Variants in SCAF4 observed in about 807,000 individuals in gnomAD.
SCAF4 encodes SR-related and CTD-associated factor 4.
SCAF4 carries 25 observed loss-of-function variants against 129.8 expected under a neutral mutation model. That is an observed-to-expected ratio of 0.19 (90% CI 0.14 to 0.27). The LOEUF (loss-of-function observed/expected upper bound fraction) is 0.27. Among genes scored for constraint, SCAF4 ranks in the 10% least tolerant of loss-of-function variants. The pLI is 1.00. For synonymous variants in SCAF4, 551 were observed against 497.7 expected, an observed-to-expected ratio of 1.11 and a Z score of -1.43; for missense variants, 1,246 against 1,457.1, an observed-to-expected ratio of 0.86 and a Z score of 2.36.
intron 3 of SCAF4, among the ~76,000 whole-genome samples, chr21:31,704,890 T>C (rs937420291): frequency 2.6e-5 from 4 of 152,200 alleles, no homozygotes; most frequent in Admixed American, 6.5e-5. Context: ...ATTAGAGACA[T>C]TTTTATAAAC....
chr21:31,707,480 T>C (rs756674037), intron 1 of SCAF4, among the ~76,000 whole-genome samples: 20 of 152,076 alleles, frequency 1.3e-4, no homozygotes, highest in East Asian at 1.9e-4. Context: ...AACCAAAACA[T>C]AGAGTCCATA....
At position 31,690,966 on chromosome 21, in the gene SCAF4, T is replaced by C. The variant is rs1248897061; in HGVS notation, c.1729-13A>G. 6.3e-7 allele frequency: 1 copy of C among 1,594,700 alleles called. No individual in the cohort carries two copies. Among genetic ancestry groups the C allele is most frequent in the Admixed American group, 1.8e-5 (1 of 56,340 alleles). Reference sequence around the variant, plus strand: ...AGGCCCAGGCAATCTATTTCACCATTAGTGAAAATATAAAAAGAAAACAAA... The same window carrying C: ...AGGCCCAGGCAATCTATTTCACCATCAGTGAAAATATAAAAAGAAAACAAA... On this transcript the variant is annotated splice_polypyrimidine_tract_variant and intron_variant, in intron 14 of 19. Transcript: ENST00000286835.
chr21:31,706,488 G>A (rs2050666330), intron 1 of SCAF4, 131 bp from the exon 2 acceptor site: 2 of 633,054 alleles, frequency 3.2e-6, no homozygotes, highest in South Asian at 4.0e-5. Context: ...GGTCTTAGCA[G>A]CTAGGGCAGC....
chr21:31,675,139 A>G (rs922339339), intron 19 of SCAF4, among the ~76,000 whole-genome samples: 2 of 152,230 alleles, frequency 1.3e-5, no homozygotes, highest in African/African-American at 4.8e-5. Flanking sequence ...CCACAATAAA[A>G]TGACTTGATG....
intron 1 of SCAF4, among the ~76,000 whole-genome samples, chr21:31,719,977 C>T (rs1292840407): frequency 6.6e-6 from 1 of 152,178 alleles, no homozygotes; most frequent in Non-Finnish European, 1.5e-5. Context: ...CAATCCACAA[C>T]TTCTTCCTTT....
rs543542260 is a variant in SCAF4 at position 31,732,089 on chromosome 21, G to T, written c.-397C>A. 2 of 409,672 alleles carry T rather than the reference G, an allele frequency of 4.9e-6. No homozygotes were observed. The allele number at this position is 409,672 out of a possible 1,614,324, so 25.4% of individuals were successfully genotyped here. A position where few individuals can be genotyped will look rare whatever the true frequency, so the allele number is the denominator to read the frequency against. On this transcript the variant is annotated 5_prime_UTR_variant, in exon 1 of 20. Transcript: ENST00000286835. ...CTCTCTCCAGCGGGATGGCGGCAGCGGCCCGAGTCCACGCCGCGCGGGGCA... is the reference window on the plus strand; with the variant it reads ...CTCTCTCCAGCGGGATGGCGGCAGCTGCCCGAGTCCACGCCGCGCGGGGCA...
In SCAF4 at chr21:31,719,147, G is replaced by A. The variant is rs374299604; in HGVS notation, c.30+12516C>T. On this transcript the variant is annotated intron_variant, in intron 1 of 19. Transcript: ENST00000286835. ...CTCTACTAAACATACAAAATTAGCC[G>A]GGCGTGGTGGCACATGCCTGTAATC... Among the ~76,000 whole-genome samples, 7 of 152,066 alleles carry A rather than the reference G, an allele frequency of 4.6e-5. No individual in the cohort carries two copies. The East Asian group carries it at 7.8e-4, about 17-fold the overall frequency.
chr21:31,724,731 C>CAA (rs374207672), intron 1 of SCAF4, among the ~76,000 whole-genome samples: 16 of 150,856 alleles, frequency 1.1e-4, no homozygotes, highest in African/African-American at 3.4e-4. Context: ...AGAAAACAAA[C>CAA]AAAAAAAAAC....
At position 31,693,350 on chromosome 21, in the gene SCAF4, T is replaced by C. The variant is rs1395121920; in HGVS notation, c.1457A>G (p.Lys486Arg). The C allele has an allele frequency of 1.3e-6, 2 of 1,548,234 alleles. No individual in the cohort carries two copies. The highest frequency in any genetic ancestry group is 1.8e-6 in the Non-Finnish European group (2 of 1,134,174). Residue 486 changes from lysine to arginine, a missense_variant, in exon 12 of 20, where the codon AAA becomes AGA. Transcript: ENST00000286835. ...GCCTTTTTGTCGACGTTCTCTCTCT[T>C]TTTCTCGATCCCGTCTTTCTTGAGA... ...SRSQERRDRE[K>R]ERERRQKGLP... is the part of the protein sequence containing the mutation.
intron 1 of SCAF4, among the ~76,000 whole-genome samples, chr21:31,726,187 A>G (rs1347156981): frequency 6.6e-6 from 1 of 151,966 alleles, no homozygotes; most frequent in Non-Finnish European, 1.5e-5. Flanking sequence ...CTGGGATTAC[A>G]GGCGCCCGCC....
chr21:31,694,967 G>T lies in SCAF4; in HGVS notation c.1082C>A (p.Pro361His). The change falls in exon 10 of 20, where the codon CCT (proline) becomes CAT (histidine). Residue 361 changes from proline (P) to histidine (H), a missense_variant. Pro to His is a moderately conservative substitution (Grantham distance 77). This residue lies in a region of SCAF4 where 236 missense variants were observed against 210.0 expected (regional missense o/e 1.12). Transcript: ENST00000286835. The part of the protein sequence containing the change: ...DPMHHQVPLP[P>H]NGQMPGFGLL... ...TCCAAATCCTGGCATTTGTCCATTAGGAGGAAGTGGAACCTTTCATTTTTA... is the reference window on the plus strand; with the variant it reads ...TCCAAATCCTGGCATTTGTCCATTATGAGGAAGTGGAACCTTTCATTTTTA... 2 of 1,613,886 alleles carry T rather than the reference G, an allele frequency of 1.2e-6. No individual in the cohort carries two copies. The highest frequency in any genetic ancestry group is 1.7e-6 in the Non-Finnish European group (2 of 1,179,822).
Position 31,671,108 on chromosome 21 carries a change from TAAAAAAAA to T in SCAF4, c.*283_*290del. The T allele has an allele frequency of 4.8e-6, 1 of 207,480 alleles. No homozygotes were observed. The highest frequency in any genetic ancestry group is 9.1e-6 in the Non-Finnish European group (1 of 110,400). The allele number at this position is 207,480 out of a possible 1,614,324, so 12.9% of individuals were successfully genotyped here. A position where few individuals can be genotyped will look rare whatever the true frequency, so the allele number is the denominator to read the frequency against. On this transcript the variant is annotated 3_prime_UTR_variant, in exon 20 of 20. Transcript: ENST00000286835. ...CTTTCACCGTTACCTTGTCTTAAAT[TAAAAAAAA>T]AAAAAAAAATAGAGAGCACTTCTAA...
intron 15 of SCAF4, among the ~76,000 whole-genome samples, 195 bp downstream of exon 15, chr21:31,690,600 AAG>A (rs2050236571): frequency 6.6e-6 from 1 of 152,230 alleles, no homozygotes; most frequent in African/African-American, 2.4e-5. Context: ...ATAATCAGTT[AAG>A]TATTTCACTT....
chr21:31,720,968 C>A (rs1028481368), intron 1 of SCAF4, among the ~76,000 whole-genome samples: 1 of 152,218 alleles, frequency 6.6e-6, no homozygotes, highest in Non-Finnish European at 1.5e-5. Flanking sequence ...CCTGACATTT[C>A]TGTGTATTTT....
At chr21:31,726,077 G>A (rs868490517) in intron 1 of SCAF4, among the ~76,000 whole-genome samples, 1 of 148,332 alleles carries the variant, frequency 6.7e-6, no homozygotes, top group Middle Eastern at 3.5e-3. Flanking sequence ...ATAGAGTCTC[G>A]CTCTGTCGCC....
rs1020174756 is a variant in SCAF4 at position 31,681,251 on chromosome 21, C to T, written c.2488+3798G>A. ...ATAATTAATGAATAAACATACTTGT[C>T]AAGAGGCTTTAATTTTCCATAAAAG... On this transcript the variant is annotated intron_variant, in intron 19 of 19. Transcript: ENST00000286835. Among the ~76,000 whole-genome samples the T allele has an allele frequency of 3.3e-5, 5 of 152,292 alleles. No homozygotes were observed. In the East Asian group the frequency reaches 9.6e-4, roughly 29 times the overall value.
Position 31,703,858 on chromosome 21 carries a change from C to T in SCAF4, c.228G>A (p.Gln76=), listed in dbSNP as rs542473987. 6.9e-6 allele frequency: 11 copies of T among 1,600,032 alleles called. No individual in the cohort carries two copies. The South Asian group carries it at 9.0e-5, about 13-fold the overall frequency. The stretch of plus-strand genomic sequence containing the variant: ...CAAAAACATCTTTATCAGTTCCAAA[C>T]TGATGACGAGACTGTCGCACAATTG... The part of the protein sequence containing the change: ...IDSIVRQSRH[Q]FGTDKDVFGP... Residue 76 remains glutamine (Q), a synonymous_variant, in exon 4 of 20, where the codon CAG becomes CAA. Coordinates refer to ENST00000286835, the MANE Select transcript of SCAF4 (RefSeq NM_020706.2).
intron 1 of SCAF4, among the ~76,000 whole-genome samples, chr21:31,723,638 G>A (rs541781051): frequency 0.012 from 1,741 of 151,274 alleles, 12 homozygotes; most frequent in South Asian, 0.024. Flanking sequence ...GTGCGCGCGC[G>A]CGCGCGCGCA....
At chr21:31,727,877 G>A (rs1012971905) in intron 1 of SCAF4, among the ~76,000 whole-genome samples, 30 of 151,768 alleles carry the variant, frequency 2.0e-4, no homozygotes, top group Admixed American at 2.0e-3. Context: ...CTATACAACA[G>A]ACACCATTAA....
Sources: gnomAD v4.1 joint callset for allele counts (sites outside exome capture counted in the v4.1 genomes callset) on GRCh38, gnomAD v4.1.1 for gene constraint, gnomAD v4.1.1 regional missense constraint, MANE v1.5 for transcripts, NCBI Gene and HGNC (gene_info 2026-07-23, HGNC 2026-07-21) for gene names.